Variants in CCDC146 observed in about 807,000 individuals in gnomAD.
CCDC146 encodes the protein coiled-coil domain containing 146, also known as coiled-coil domain-containing protein 146.
CCDC146 carries 92 observed loss-of-function variants against 119.3 expected under a neutral mutation model. The ratio of observed to expected loss-of-function variants is 0.77; its 90% CI spans 0.65 to 0.92. The LOEUF (loss-of-function observed/expected upper bound fraction) is 0.92, where lower values mean the gene tolerates loss of function less well. Ranked by LOEUF, CCDC146 falls within the 40% of genes least tolerant of loss-of-function variation. CCDC146 has a pLI of 0.00. For missense variants in CCDC146, 1,000 were observed against 1,103.0 expected, an observed-to-expected ratio of 0.91 and a Z score of 1.32; for synonymous variants, 372 against 371.8, an observed-to-expected ratio of 1.00 and a Z score of -0.01.
At chr7:77,254,210 C>T (rs1793134098) in intron 4 of CCDC146, among the ~76,000 whole-genome samples, 1 of 152,164 alleles carries the variant, frequency 6.6e-6, no homozygotes, top group African/African-American at 2.4e-5. Flanking sequence ...GGAGAAAAAG[C>T]CCAGAGCCTG....
chr7:77,229,577 C>CT (rs1792580251), intron 2 of CCDC146, among the ~76,000 whole-genome samples: 1 of 152,188 alleles, frequency 6.6e-6, no homozygotes, highest in African/African-American at 2.4e-5. Context: ...AATAGGGAGT[C>CT]TTTTCCCCAT....
chr7:77,132,568 A>AAG (rs1554345365), intron 1 of CCDC146, among the ~76,000 whole-genome samples: 6,652 of 142,354 alleles, frequency 0.047, 172 homozygotes, highest in Non-Finnish European at 0.076. Context: ...AAAAAAAAAA[A>AAG]AAAGAAAGAA....
At chr7:77,291,552 A>G (rs1483204075) in intron 17 of CCDC146, among the ~76,000 whole-genome samples, 2 of 152,174 alleles carry the variant, frequency 1.3e-5, no homozygotes, top group Non-Finnish European at 2.9e-5. Context: ...AAAAAATACA[A>G]AAACAAATAG....
chr7:77,243,799 G>A (rs750347796), intron 4 of CCDC146, among the ~76,000 whole-genome samples: 3 of 152,224 alleles, frequency 2.0e-5, no homozygotes, highest in Non-Finnish European at 2.9e-5. Flanking sequence ...AAGATGTGGA[G>A]GCAGAAAATA....
chr7:77,261,308 T>G (rs1443462292), intron 8 of CCDC146, among the ~76,000 whole-genome samples: 1 of 152,078 alleles, frequency 6.6e-6, no homozygotes, highest in Non-Finnish European at 1.5e-5. Context: ...GTGTGTGTTG[T>G]TCTTCTCTAT....
At chr7:77,168,991 G>A (rs548508876) in intron 2 of CCDC146, among the ~76,000 whole-genome samples, 1 of 151,834 alleles carries the variant, frequency 6.6e-6, no homozygotes, top group South Asian at 2.1e-4. Flanking sequence ...TACCTTATTC[G>A]GGTCTTGCCA....
At chr7:77,148,079 C>G (rs1791051247) in intron 1 of CCDC146, among the ~76,000 whole-genome samples, 1 of 152,346 alleles carries the variant, frequency 6.6e-6, no homozygotes, top group Non-Finnish European at 1.5e-5. Context: ...TTCCAGGCCA[C>G]TTTGATTACC....
In CCDC146 at chr7:77,175,862, G is replaced by T. The variant is rs1003109678; in HGVS notation, c.156+8038G>T. Reference sequence around the variant, plus strand: ...ATGCTAGATACCATGAGAATTTATGGACATAAAGCATAAAAAGGTTCCTAT... The same window carrying T: ...ATGCTAGATACCATGAGAATTTATGTACATAAAGCATAAAAAGGTTCCTAT... On this transcript the variant is annotated intron_variant, in intron 2 of 18. Coordinates refer to ENST00000285871, the MANE Select transcript of CCDC146 (RefSeq NM_020879.3). 1.3e-4 allele frequency among the ~76,000 whole-genome samples: 19 copies of T among 151,108 alleles called. 1 individual carries two copies. The highest frequency in any genetic ancestry group is 4.7e-4 in the African/African-American group (19 of 40,660).
rs6958942 is a variant in CCDC146, at chr7:77,287,877, T to G, written c.2415+300T>G. Among the ~76,000 whole-genome samples, 21,170 of 152,240 alleles carry G rather than the reference T, an allele frequency of 0.14. 1,645 individuals carry two copies. Among genetic ancestry groups the G allele is most frequent in the South Asian group, 0.18 (888 of 4,830 alleles). ...TATCTTTGTATTTCATGCACAAAGT[T>G]AAATCCTTTTTAGTTCCTTTTAAGT... is the stretch of plus-strand genomic sequence containing the variant. On this transcript the variant is annotated intron_variant, in intron 17 of 18. Transcript: ENST00000285871.
At chr7:77,202,999 A>G (rs1792019934) in intron 2 of CCDC146, among the ~76,000 whole-genome samples, 1 of 149,764 alleles carries the variant, frequency 6.7e-6, no homozygotes, top group South Asian at 2.1e-4. Flanking sequence ...GAGAGCCACT[A>G]AAGGTTTTTG....
intron 11 of CCDC146, among the ~76,000 whole-genome samples, chr7:77,277,872 AAT>A (rs1793679717): frequency 1.3e-5 from 2 of 152,210 alleles, no homozygotes; most frequent in Non-Finnish European, 2.9e-5. Context: ...TTCATTTTTG[AAT>A]ATGTTTCTTA....
chr7:77,203,740 T>A lies in CCDC146; in HGVS notation c.157-33207T>A, dbSNP rs149041259. On this transcript the variant is annotated intron_variant, in intron 2 of 18. Transcript: ENST00000285871. ...TATTCCTCATGGCGGTGTCAGAATC[T>A]TCCTTACTACCCTGAATCTGTCCTT... Among the ~76,000 whole-genome samples, 229 of 152,342 alleles carry A rather than the reference T, an allele frequency of 1.5e-3. 1 individual carries two copies. The highest frequency in any genetic ancestry group is 5.4e-3 in the African/African-American group (223 of 41,576).
chr7:77,285,876 G>T (rs1173115033), intron 15 of CCDC146, among the ~76,000 whole-genome samples: 2 of 152,194 alleles, frequency 1.3e-5, no homozygotes, highest in East Asian at 3.8e-4. Context: ...CTCACAGAGT[G>T]TACATTAGGT....
At chr7:77,271,952 A>G (rs1382635017) in intron 9 of CCDC146, among the ~76,000 whole-genome samples, 1 of 151,952 alleles carries the variant, frequency 6.6e-6, no homozygotes, top group Non-Finnish European at 1.5e-5. Context: ...GGGCCCTGTT[A>G]TTCACGTTTA....
intron 2 of CCDC146, among the ~76,000 whole-genome samples, chr7:77,188,078 G>A (rs1021123898): frequency 3.3e-5 from 5 of 152,128 alleles, no homozygotes; most frequent in African/African-American, 1.2e-4. Context: ...ATTCCTGTAC[G>A]TCACTTTACC....
At chr7:77,131,422 A>G (rs1410343937) in intron 1 of CCDC146, among the ~76,000 whole-genome samples, 1 of 152,104 alleles carries the variant, frequency 6.6e-6, no homozygotes, top group Non-Finnish European at 1.5e-5. Flanking sequence ...AAATAGATAA[A>G]AATCTCAAGA....
intron 1 of CCDC146, among the ~76,000 whole-genome samples, chr7:77,145,218 G>A (rs1239018063): frequency 6.6e-6 from 1 of 151,802 alleles, no homozygotes; most frequent in Non-Finnish European, 1.5e-5. Context: ...GGTGTTTATA[G>A]TATTCTCTGA....
At position 77,145,664 on chromosome 7, in the gene CCDC146, C is replaced by T. The variant is rs1353621336; in HGVS notation, c.-11-21994C>T. Among the ~76,000 whole-genome samples, 41 of 152,032 alleles carry T rather than the reference C, an allele frequency of 2.7e-4. 1 individual carries two copies. Among genetic ancestry groups the T allele is most frequent in the Non-Finnish European group, 4.4e-4 (30 of 67,952 alleles). On this transcript the variant is annotated intron_variant, in intron 1 of 18. Coordinates refer to ENST00000285871, the MANE Select transcript of CCDC146 (RefSeq NM_020879.3). The stretch of plus-strand genomic sequence containing the variant: ...AAGAACATCTTTATTTCTGCCTTCA[C>T]TTCGTTATGTACCCAGTAGTCATTC...
intron 8 of CCDC146, among the ~76,000 whole-genome samples, chr7:77,260,720 G>A (rs531373416): frequency 7.2e-5 from 11 of 152,220 alleles, no homozygotes; most frequent in African/African-American, 2.6e-4. Flanking sequence ...TCTGCCTCCC[G>A]GGTTCAAGTG....
Sources: gnomAD v4.1 joint callset for allele counts (sites outside exome capture counted in the v4.1 genomes callset) on GRCh38, gnomAD v4.1.1 for gene constraint, MANE v1.5 for transcripts, NCBI Gene and HGNC (gene_info 2026-07-23, HGNC 2026-07-21) for gene names.